Variants in ESRP1 observed in about 807,000 individuals in gnomAD.
ESRP1 encodes RNA-binding motif protein 35A.
In ESRP1, 33 loss-of-function variants were observed where a neutral mutation model predicts 81.7. The ratio of observed to expected loss-of-function variants is 0.40; its 90% CI spans 0.31 to 0.54. The LOEUF (loss-of-function observed/expected upper bound fraction) is 0.54, where lower values mean the gene tolerates loss of function less well. Among genes scored for constraint, ESRP1 ranks in the 20% least tolerant of loss-of-function variants. The pLI, the probability that ESRP1 is intolerant of heterozygous loss-of-function variation, is 0.41. For missense variants in ESRP1, 672 were observed against 833.1 expected (o/e 0.81, Z 2.38); for synonymous variants, 320 against 303.3 (o/e 1.06, Z -0.57).
At chr8:94,669,116 C>G (rs546942760) in intron 10 of ESRP1, among the ~76,000 whole-genome samples, 2 of 152,250 alleles carry the variant, frequency 1.3e-5, no homozygotes, top group African/African-American at 4.8e-5. Context: ...CAAAATGAGG[C>G]AATCACTTCC....
Position 94,695,348 on chromosome 8 carries a change from C to CTTTTTTTTTT in ESRP1, c.1972-1489_1972-1480dup, listed in dbSNP as rs1177357708. Among the ~76,000 whole-genome samples, 96 of 61,168 alleles carry CTTTTTTTTTT rather than the reference C, an allele frequency of 1.6e-3. 5 individuals are homozygous for CTTTTTTTTTT. Among genetic ancestry groups the CTTTTTTTTTT allele is most frequent in the African/African-American group, 2.7e-3 (46 of 16,850 alleles). The allele number at this position is 61,168 out of a possible 152,430, so 40.1% of individuals were successfully genotyped here. ...GAGTAAATAAAATTTCTTTTTCTTT[C>CTTTTTTTTTT]TTTTTTTTTTTTTTTTTTTTTTTTG... On this transcript the variant is annotated intron_variant, in intron 14 of 15. Transcript: ENST00000433389.
Position 94,667,068 on chromosome 8 carries a change from G to GGTGTGTGTGTGTGTGTGTGTGTGTGT in ESRP1, c.932-880_932-855dup, listed in dbSNP as rs1163646804. Reference sequence around the variant, plus strand: ...TAATACACAAATTAGCCAGGAGAGGGGTGTGTGTGTGTGTGTGTGTGTGTG... The same window carrying GGTGTGTGTGTGTGTGTGTGTGTGTGT: ...TAATACACAAATTAGCCAGGAGAGGGGTGTGTGTGTGTGTGTGTGTGTGTGTGTGTGTGTGTGTGTGTGTGTGTGTG... On this transcript the variant is annotated intron_variant, in intron 9 of 15. Transcript: ENST00000433389. 6.7e-4 allele frequency among the ~76,000 whole-genome samples: 96 copies of GGTGTGTGTGTGTGTGTGTGTGTGTGT among 144,314 alleles called. 1 individual carries two copies. Among genetic ancestry groups the GGTGTGTGTGTGTGTGTGTGTGTGTGT allele is most frequent in the African/African-American group, 2.3e-3 (88 of 37,960 alleles). 94.7% of individuals were successfully genotyped at this position (144,314 alleles called of 152,430 possible).
At position 94,641,292 on chromosome 8, in the gene ESRP1, C is replaced by T. The variant is rs902971162; in HGVS notation, c.-27C>T. 3.8e-6 allele frequency: 6 copies of T among 1,589,758 alleles called. No homozygotes were observed. In the African/African-American group the frequency reaches 5.4e-5, roughly 14 times the overall value. On this transcript the variant is annotated 5_prime_UTR_variant, in exon 1 of 16. Coordinates refer to ENST00000433389, the MANE Select transcript of ESRP1 (RefSeq NM_017697.4). ...ACACCACCTTACCGCCTCCCGACCC[C>T]CCCTCTCCCCCTCCCCACCTATCGT...
chr8:94,651,239 C>CTTTTT (rs35413910), intron 4 of ESRP1, among the ~76,000 whole-genome samples: 2 of 102,794 alleles, frequency 1.9e-5, no homozygotes, highest in African/African-American at 7.6e-5. Context: ...ATAGTGTGGT[C>CTTTTT]TTTTTTTTTT....
At chr8:94,665,251 A>C in intron 9 of ESRP1, 55 bp downstream of exon 9, 6 of 1,560,170 alleles carry the variant, frequency 3.8e-6, no homozygotes, top group African/African-American at 1.4e-5. Context: ...AAAATTTTGC[A>C]TACTTAAATT....
chr8:94,657,399 T>C (rs1818476503), intron 4 of ESRP1, among the ~76,000 whole-genome samples: 1 of 152,146 alleles, frequency 6.6e-6, no homozygotes. Context: ...TTTTTTCTCA[T>C]TCCTCTCTGT....
intron 6 of ESRP1, 140 bp from the exon 7 acceptor site, chr8:94,664,557 G>A (rs17717009): frequency 0.18 from 117,982 of 643,512 alleles, 12,478 homozygotes; most frequent in Middle Eastern, 0.25. Context: ...GAGGTTATAA[G>A]GAAAATCAAG....
intron 13 of ESRP1, among the ~76,000 whole-genome samples, chr8:94,680,449 C>T (rs1046608150): frequency 3.3e-5 from 5 of 151,426 alleles, no homozygotes; most frequent in Non-Finnish European, 4.4e-5. Context: ...TTTTTTGAGT[C>T]GGAGTTTCGC....
intron 11 of ESRP1, among the ~76,000 whole-genome samples, chr8:94,672,877 G>C (rs1401733296): frequency 6.6e-6 from 1 of 152,172 alleles, no homozygotes; most frequent in Non-Finnish European, 1.5e-5. Context: ...TTTTGAAAAT[G>C]TTTTCTGAGG....
rs114864561 is a variant in ESRP1 at position 94,684,713 on chromosome 8, A to G, written c.1820+6342A>G. 6.0e-3 allele frequency among the ~76,000 whole-genome samples: 918 copies of G among 152,230 alleles called. 9 individuals carry two copies. Among genetic ancestry groups the G allele is most frequent in the African/African-American group, 0.021 (861 of 41,530 alleles). On this transcript the variant is annotated intron_variant, in intron 13 of 15. Coordinates refer to ENST00000433389, the MANE Select transcript of ESRP1 (RefSeq NM_017697.4). ...AATTCTCTAATCTTCCACTTAATCA[A>G]TTTCTCTAACCATACATATGATACT...
At chr8:94,703,090 C>T (rs1279803540) in intron 15 of ESRP1, among the ~76,000 whole-genome samples, 2 of 148,348 alleles carry the variant, frequency 1.3e-5, no homozygotes, top group African/African-American at 5.0e-5. Flanking sequence ...GAAACATTAT[C>T]TCCTTCTGAG....
chr8:94,644,173 GA>G (rs2130528659), intron 3 of ESRP1, among the ~76,000 whole-genome samples: 1 of 152,310 alleles, frequency 6.6e-6, no homozygotes, highest in East Asian at 1.9e-4. Context: ...GGGGCTGTGG[GA>G]AAAGGAACAG....
intron 9 of ESRP1, among the ~76,000 whole-genome samples, 179 bp downstream of exon 9, chr8:94,665,375 A>G (rs1818967771): frequency 6.6e-6 from 1 of 152,250 alleles, no homozygotes. Flanking sequence ...AGCTTAATGT[A>G]TAACACTTGT....
chr8:94,662,843 C>T (rs1252548830), intron 6 of ESRP1, among the ~76,000 whole-genome samples: 1 of 152,132 alleles, frequency 6.6e-6, no homozygotes, highest in Non-Finnish European at 1.5e-5. Context: ...CTCCTGACCT[C>T]GTGATCTGCC....
chr8:94,700,417 T>A (rs972141109), intron 15 of ESRP1, among the ~76,000 whole-genome samples: 1 of 151,972 alleles, frequency 6.6e-6, no homozygotes, highest in Admixed American at 6.6e-5. Flanking sequence ...GAGGCAGAGA[T>A]GAGAGAGCTG....
intron 15 of ESRP1, among the ~76,000 whole-genome samples, chr8:94,700,667 C>T (rs1000474675): frequency 1.7e-4 from 26 of 150,648 alleles, no homozygotes; most frequent in Admixed American, 7.9e-4. Flanking sequence ...TAGTGGCTCA[C>T]GCCTGTAATC....
At chr8:94,671,422 C>G (rs754536361) in intron 10 of ESRP1, 31 bp from the exon 11 acceptor site, 6 of 1,591,544 alleles carry the variant, frequency 3.8e-6, no homozygotes, top group Non-Finnish European at 5.1e-6. Context: ...TAGCACAGCT[C>G]TAAATTACTT....
rs2130650200 is a variant in ESRP1, at chr8:94,674,560, TA to T, written c.1651+56del. On this transcript the variant is annotated intron_variant, in intron 12 of 15. Transcript: ENST00000433389. The stretch of plus-strand genomic sequence containing the variant: ...TCTACGCTATATGCTGGTAGGTGCT[TA>T]AGCTGCTTTCGTAACTTTCTGTGCC... 1.3e-5 allele frequency: 20 copies of T among 1,509,324 alleles called. No individual in the cohort carries two copies. The South Asian group carries it at 2.5e-4, about 19-fold the overall frequency. 93.5% of individuals were successfully genotyped at this position (1,509,324 alleles called of 1,614,324 possible).
intron 14 of ESRP1, among the ~76,000 whole-genome samples, chr8:94,694,568 C>T (rs1809524118): frequency 6.6e-6 from 1 of 152,220 alleles, no homozygotes. Context: ...CACTGCACTG[C>T]ACTCCAGCCT....
Sources: allele counts gnomAD v4.1 joint callset (sites outside exome capture counted in the v4.1 genomes callset), GRCh38; gene constraint gnomAD v4.1.1; transcripts MANE v1.5; gene names NCBI Gene and HGNC (gene_info 2026-07-23, HGNC 2026-07-21).